Variants in GLIS3 observed in about 807,000 individuals in gnomAD.
The protein encoded by GLIS3 is zinc finger protein GLIS3.
GLIS3 carries 53 observed loss-of-function variants against 78.6 expected under a neutral mutation model. That is an observed-to-expected ratio of 0.67 (90% CI 0.54 to 0.85). The LOEUF (loss-of-function observed/expected upper bound fraction) is 0.85, where lower values mean the gene tolerates loss of function less well. Ranked by LOEUF, GLIS3 falls within the 40% of genes least tolerant of loss-of-function variation. The probability of loss-of-function intolerance (pLI) is 0.00; values close to 1 mark genes in which losing one functional copy is unlikely to be tolerated. For missense variants in GLIS3, 1,703 were observed against 1,231.1 expected (o/e 1.38, Z -5.74); for synonymous variants, 684 against 509.9 (o/e 1.34, Z -4.60).
Position 3,911,116 on chromosome 9 carries a change from CCTTCCTTTCCTTT to C in GLIS3, c.1984-12294_1984-12282del, listed in dbSNP as rs942175152. ...TCCTTCCTTTCTTCCTTCCTTCCTT[CCTTCCTTTCCTTT>C]CTTCCTTCCTCCCTTCCTTCCGCAC... is the stretch of plus-strand genomic sequence containing the variant. On this transcript the variant is annotated intron_variant, in intron 6 of 10. Transcript: ENST00000381971. Among the ~76,000 whole-genome samples the C allele has an allele frequency of 7.9e-5, 12 of 152,146 alleles. No individual in the cohort carries two copies. The South Asian group carries it at 2.3e-3, about 29-fold the overall frequency.
the GLIS3 span, among the ~76,000 whole-genome samples, chr9:4,482,282 A>G: frequency 6.6e-6 from 1 of 152,270 alleles, no homozygotes; most frequent in African/African-American, 2.4e-5. Flanking sequence ...AAGGTCATAT[A>G]ACTAATAGAT....
At chr9:4,291,272 A>G (rs1815951428) in intron 1 of GLIS3, among the ~76,000 whole-genome samples, 1 of 152,130 alleles carries the variant, frequency 6.6e-6, no homozygotes, top group Non-Finnish European at 1.5e-5. Context: ...TACCAACTGA[A>G]GACAAATTAG....
chr9:3,882,627 G>A (rs1428352576), intron 7 of GLIS3, among the ~76,000 whole-genome samples: 2 of 152,114 alleles, frequency 1.3e-5, no homozygotes, highest in Non-Finnish European at 2.9e-5. Context: ...TCAAGCCCAC[G>A]TCAACTGGTG....
intron 2 of GLIS3, among the ~76,000 whole-genome samples, chr9:4,241,138 T>C (rs1031969852): frequency 6.6e-6 from 1 of 152,188 alleles, no homozygotes; most frequent in African/African-American, 2.4e-5. Context: ...CCTGCTTCTT[T>C]GTGCACACTC....
the GLIS3 span, among the ~76,000 whole-genome samples, chr9:4,450,707 G>T: frequency 9.2e-5 from 14 of 152,294 alleles, no homozygotes; most frequent in African/African-American, 3.4e-4. Context: ...CATTCTTAAA[G>T]AAAAGAATTT....
In GLIS3 at chr9:3,936,736, A is replaced by C. The variant is rs664334; in HGVS notation, c.1872+292T>G. On this transcript the variant is annotated intron_variant, in intron 5 of 10. Transcript: ENST00000381971. Reference sequence around the variant, plus strand: ...CTCTCCTGATCACTCTCTGTACTAAAATCTACTACATGACAGCCCCTAAAC... The same window carrying C: ...CTCTCCTGATCACTCTCTGTACTAACATCTACTACATGACAGCCCCTAAAC... 0.02 allele frequency among the ~76,000 whole-genome samples: 3,076 copies of C among 152,258 alleles called. 111 individuals carry two copies. Among genetic ancestry groups the C allele is most frequent in the African/African-American group, 0.071 (2,939 of 41,524 alleles).
intron 2 of GLIS3, among the ~76,000 whole-genome samples, chr9:4,185,780 C>T (rs1160651916): frequency 2.0e-5 from 3 of 152,126 alleles, no homozygotes; most frequent in African/African-American, 4.8e-5. Context: ...AGGAATGAAT[C>T]GCCCTCCCTC....
intron 2 of GLIS3, among the ~76,000 whole-genome samples, chr9:4,174,744 T>C (rs1414622110): frequency 6.6e-6 from 1 of 152,238 alleles, no homozygotes; most frequent in South Asian, 2.1e-4. Flanking sequence ...TGGAGATGTG[T>C]GCCAATCTCA....
chr9:4,233,028 G>A (rs1822410519), intron 2 of GLIS3, among the ~76,000 whole-genome samples: 2 of 152,110 alleles, frequency 1.3e-5, no homozygotes, highest in African/African-American at 2.4e-5. Flanking sequence ...ACCACCACAC[G>A]ACAGCAATGC....
chr9:4,066,042 A>T (rs916900676), intron 4 of GLIS3, among the ~76,000 whole-genome samples: 116 of 151,558 alleles, frequency 7.7e-4, no homozygotes, highest in African/African-American at 2.6e-3. Flanking sequence ...AAGAATATAA[A>T]AAAAAAAAAA....
chr9:4,024,131 G>A (rs1188317112), intron 4 of GLIS3, among the ~76,000 whole-genome samples: 8 of 152,106 alleles, frequency 5.3e-5, no homozygotes, highest in Admixed American at 1.3e-4. Context: ...TTCCCAAAGT[G>A]ATAATGCCAA....
At chr9:4,241,681 G>A (rs1332231239) in intron 2 of GLIS3, among the ~76,000 whole-genome samples, 3 of 147,614 alleles carry the variant, frequency 2.0e-5, no homozygotes, top group Non-Finnish European at 4.5e-5. Flanking sequence ...TTTGTTTTTT[G>A]TTTTGTTTTT....
chr9:3,898,219 C>T, intron 7 of GLIS3: 1 of 225,740 alleles, frequency 4.4e-6, no homozygotes, highest in Non-Finnish European at 8.9e-6. Context: ...CATCTCCTTT[C>T]CCACAATGGT....
At chr9:4,181,500 C>T (rs1817321452) in intron 2 of GLIS3, among the ~76,000 whole-genome samples, 1 of 152,212 alleles carries the variant, frequency 6.6e-6, no homozygotes, top group African/African-American at 2.4e-5. Flanking sequence ...TAGTGGACAT[C>T]TGTCCTTCTT....
At chr9:4,152,689 T>C (rs1194241080) in intron 2 of GLIS3, among the ~76,000 whole-genome samples, 3 of 152,188 alleles carry the variant, frequency 2.0e-5, no homozygotes, top group Admixed American at 2.0e-4. Context: ...CCACTAAAAA[T>C]TGTTATAAAC....
At chr9:4,170,645 CCATCAGAAG>C (rs1437506349) in intron 2 of GLIS3, among the ~76,000 whole-genome samples, 1 of 152,158 alleles carries the variant, frequency 6.6e-6, no homozygotes, top group Non-Finnish European at 1.5e-5. Context: ...CAGTAAGCCT[CCATCAGAAG>C]GCTTACACGA....
At chr9:4,259,403 G>C (rs1825297870) in intron 2 of GLIS3, among the ~76,000 whole-genome samples, 1 of 151,990 alleles carries the variant, frequency 6.6e-6, no homozygotes, top group Non-Finnish European at 1.5e-5. Context: ...AAAAACACTG[G>C]AGAGTGCTCA....
At chr9:4,046,944 G>C (rs926972178) in intron 4 of GLIS3, among the ~76,000 whole-genome samples, 1 of 152,174 alleles carries the variant, frequency 6.6e-6, no homozygotes. Context: ...TTAAGCCCTG[G>C]CAGATGCTCA....
intron 8 of GLIS3, among the ~76,000 whole-genome samples, chr9:3,869,059 G>T (rs1820799726): frequency 6.6e-6 from 1 of 152,186 alleles, no homozygotes; most frequent in Admixed American, 6.5e-5. Flanking sequence ...AGAGGGCAAG[G>T]CTTCTGTTGG....
Sources: allele counts gnomAD v4.1 joint callset (sites outside exome capture counted in the v4.1 genomes callset), GRCh38; gene constraint gnomAD v4.1.1; transcripts MANE v1.5; gene names NCBI Gene and HGNC (gene_info 2026-07-23, HGNC 2026-07-21).